Variants in SFRP1 observed in about 807,000 individuals in gnomAD.
The protein encoded by SFRP1 is secreted frizzled-related protein 1.
SFRP1 carries 9 observed loss-of-function variants against 25.9 expected under a neutral mutation model. The ratio of observed to expected loss-of-function variants is 0.35; its 90% confidence interval spans 0.21 to 0.61. SFRP1 has a LOEUF of 0.61. SFRP1 is among the 20% of genes least tolerant of loss of function. The pLI, the probability that SFRP1 is intolerant of heterozygous loss-of-function variation, is 0.78. For synonymous variants in SFRP1, 178 were observed against 174.0 expected (o/e 1.02, Z -0.18); for missense variants, 346 against 418.2 (o/e 0.83, Z 1.51).
At chr8:41,292,973 C>T (rs1056785964) in intron 2 of SFRP1, among the ~76,000 whole-genome samples, 1 of 152,190 alleles carries the variant, frequency 6.6e-6, no homozygotes, top group African/African-American at 2.4e-5. Context: ...GTCGAGACTC[C>T]TTCTAGCCAG....
At position 41,290,886 on chromosome 8, in the gene SFRP1, C is replaced by CTTTT. The variant is rs561965318; in HGVS notation, c.622+12571_622+12574dup. 1.6e-3 allele frequency among the ~76,000 whole-genome samples: 84 copies of CTTTT among 53,888 alleles called. 27 individuals carry two copies. Among genetic ancestry groups the CTTTT allele is most frequent in the Non-Finnish European group, 2.1e-3 (51 of 24,596 alleles). The allele number at this position is 53,888 out of a possible 152,430, so 35.4% of individuals were successfully genotyped here. A position where few individuals can be genotyped will look rare whatever the true frequency, so the allele number is the denominator to read the frequency against. On this transcript the variant is annotated intron_variant, in intron 2 of 2. Coordinates refer to ENST00000220772, the MANE Select transcript of SFRP1 (RefSeq NM_003012.5). Reference sequence around the variant, plus strand: ...GTCTTCTTCTCCTCCTCTTCCTCGTCTTTTTTTTTTTTTTTTTTTTTTTTT... The same window carrying CTTTT: ...GTCTTCTTCTCCTCCTCTTCCTCGTCTTTTTTTTTTTTTTTTTTTTTTTTTTTTT...
chr8:41,303,510 G>A lies in SFRP1; in HGVS notation c.573C>T (p.Asn191=), dbSNP rs377666405. The change falls in exon 2 of 3, where the codon AAC becomes AAT. Residue 191 remains asparagine (N), a synonymous_variant. Transcript: ENST00000220772. ...QGTTVCPPCD[N]ELKSEAIIEH... ...CAATGATGGCCTCAGATTTCAACTC[G>A]TTGTCACAGGGAGGACACACCGTTG... is the stretch of plus-strand genomic sequence containing the variant. 91 of 1,613,814 alleles carry A rather than the reference G, an allele frequency of 5.6e-5. No homozygotes were observed. Among genetic ancestry groups the A allele is most frequent in the Middle Eastern group, 1.6e-4 (1 of 6,082 alleles).
intron 2 of SFRP1, among the ~76,000 whole-genome samples, chr8:41,285,064 G>A (rs747125445): frequency 1.3e-5 from 2 of 152,208 alleles, no homozygotes; most frequent in Admixed American, 6.5e-5. Context: ...ATGGAGTTCC[G>A]GGTGAGATTT....
chr8:41,275,278 C>G, intron 2 of SFRP1: 1 of 398,882 alleles, frequency 2.5e-6, no homozygotes, highest in Non-Finnish European at 4.8e-6. Flanking sequence ...GGGGGCCTAG[C>G]CATCTGGGAT....
intron 2 of SFRP1, among the ~76,000 whole-genome samples, chr8:41,273,397 CA>C (rs1373487409): frequency 3.3e-5 from 5 of 151,694 alleles, no homozygotes; most frequent in Non-Finnish European, 5.9e-5. Context: ...AGGGCTGAGG[CA>C]GGAGAATTGC....
rs566893064 is a variant in SFRP1, at chr8:41,275,564, G to A, written c.623-10075C>T. ...TTTGCCCAGGCTGGAGTGCAGTGGC[G>A]GAATCTCGGCTCACTGCAACCTCTG... On this transcript the variant is annotated intron_variant, in intron 2 of 2. Transcript: ENST00000220772. Among the ~76,000 whole-genome samples, 120 of 151,654 alleles carry A rather than the reference G, an allele frequency of 7.9e-4. 1 individual carries two copies. The highest frequency in any genetic ancestry group is 3.1e-3 in the South Asian group (15 of 4,798).
intron 2 of SFRP1, among the ~76,000 whole-genome samples, chr8:41,297,200 T>C (rs983859128): frequency 7.2e-5 from 11 of 152,106 alleles, no homozygotes; most frequent in African/African-American, 2.7e-4. Flanking sequence ...CCTGCCACCA[T>C]GCCCAGCTAA....
At chr8:41,295,128 CAAG>C (rs1347361067) in intron 2 of SFRP1, among the ~76,000 whole-genome samples, 2 of 152,172 alleles carry the variant, frequency 1.3e-5, no homozygotes, top group Non-Finnish European at 2.9e-5. Context: ...TTTGGGAGGC[CAAG>C]GAGGGCAGAT....
intron 2 of SFRP1, among the ~76,000 whole-genome samples, chr8:41,282,432 G>A (rs1563361985): frequency 1.3e-5 from 2 of 152,242 alleles, no homozygotes; most frequent in East Asian, 3.9e-4. Context: ...AGAATTACTT[G>A]AGCCCAGGAG....
chr8:41,267,999 G>A (rs1406044578), intron 2 of SFRP1, among the ~76,000 whole-genome samples: 1 of 152,192 alleles, frequency 6.6e-6, no homozygotes, highest in Non-Finnish European at 1.5e-5. Flanking sequence ...CTCTGGCAAA[G>A]GAGAAACTGC....
intron 2 of SFRP1, among the ~76,000 whole-genome samples, chr8:41,292,185 C>A (rs528425219): frequency 6.6e-6 from 1 of 152,186 alleles, no homozygotes. Context: ...CAGGGCTTAA[C>A]TCGGGTTCAG....
chr8:41,297,002 T>C (rs1310655308), intron 2 of SFRP1, among the ~76,000 whole-genome samples: 3 of 152,174 alleles, frequency 2.0e-5, no homozygotes, highest in Admixed American at 2.0e-4. Flanking sequence ...ATTGTTATTG[T>C]GAATTACAGC....
At chr8:41,295,480 G>GCA (rs1214669632) in intron 2 of SFRP1, among the ~76,000 whole-genome samples, 1 of 150,322 alleles carries the variant, frequency 6.7e-6, no homozygotes, top group Non-Finnish European at 1.5e-5. Context: ...AATGAGCTAA[G>GCA]ATCACACCAC....
chr8:41,304,146 A>G (rs1456077657), intron 1 of SFRP1, among the ~76,000 whole-genome samples: 1 of 152,116 alleles, frequency 6.6e-6, no homozygotes, highest in Non-Finnish European at 1.5e-5. Flanking sequence ...ATGGGAGGAC[A>G]GGGCTGGATA....
intron 2 of SFRP1, among the ~76,000 whole-genome samples, chr8:41,270,043 T>A (rs1172099871): frequency 6.6e-6 from 1 of 152,286 alleles, no homozygotes; most frequent in Non-Finnish European, 1.5e-5. Context: ...AGCTTAAGAA[T>A]GAGTCTGAAA....
chr8:41,281,096 C>T (rs888841712), intron 2 of SFRP1, among the ~76,000 whole-genome samples: 5 of 152,172 alleles, frequency 3.3e-5, no homozygotes, highest in African/African-American at 1.2e-4. Context: ...GTATGCAGCT[C>T]CCTCTCCTCT....
intron 1 of SFRP1, among the ~76,000 whole-genome samples, chr8:41,307,403 C>T (rs1472081576): frequency 1.3e-5 from 2 of 152,206 alleles, no homozygotes; most frequent in Non-Finnish European, 2.9e-5. Context: ...CCCCCACCTG[C>T]CCAAATCCTC....
chr8:41,271,831 G>A (rs1057444724), intron 2 of SFRP1, among the ~76,000 whole-genome samples: 3 of 151,868 alleles, frequency 2.0e-5, no homozygotes, highest in African/African-American at 7.3e-5. Flanking sequence ...AGGCATGGTG[G>A]TGCATGCCTG....
chr8:41,286,474 G>C (rs1331734899), intron 2 of SFRP1, among the ~76,000 whole-genome samples: 1 of 151,510 alleles, frequency 6.6e-6, no homozygotes, highest in Non-Finnish European at 1.5e-5. Context: ...TGTGGGGCCA[G>C]TGGCTCCTCC....
Sources: allele counts gnomAD v4.1 joint callset (sites outside exome capture counted in the v4.1 genomes callset), GRCh38; gene constraint gnomAD v4.1.1; transcripts MANE v1.5; gene names NCBI Gene and HGNC (gene_info 2026-07-23, HGNC 2026-07-21).